The following RBFOX2 variants were observed in gnomAD, a reference collection of about 807,000 sequenced individuals.
RBFOX2 encodes RNA binding protein fox-1 homolog 2.
Under a neutral mutation model 49.1 loss-of-function variants are expected in RBFOX2, and 10 were observed. The ratio of observed to expected loss-of-function variants is 0.20; its 90% confidence interval spans 0.13 to 0.35. The LOEUF (loss-of-function observed/expected upper bound fraction) is 0.35, where lower values mean the gene tolerates loss of function less well. Ranked by LOEUF, RBFOX2 falls within the 10% of genes least tolerant of loss-of-function variation. The pLI is 1.00. For missense variants in RBFOX2, 323 were observed against 486.9 expected, an observed-to-expected ratio of 0.66 and a Z score of 3.17; for synonymous variants, 183 against 187.4, an observed-to-expected ratio of 0.98 and a Z score of 0.19.
Position 35,870,884 on chromosome 22 carries a change from A to G in RBFOX2, c.-33-60880T>C, listed in dbSNP as rs186320659. ...CATGACATGAAATTTAAAGAAAACAATTCACTGGGGCTCTCAATGTATTCT... is the reference window on the plus strand; with the variant it reads ...CATGACATGAAATTTAAAGAAAACAGTTCACTGGGGCTCTCAATGTATTCT... On this transcript the variant is annotated intron_variant, in intron 1 of 13. Coordinates refer to the RBFOX2 transcript ENST00000359369. Among the ~76,000 whole-genome samples the G allele has an allele frequency of 3.3e-5, 5 of 152,314 alleles. No homozygotes were observed. The East Asian group carries it at 9.6e-4, about 29-fold the overall frequency.
At chr22:35,761,325 CAAG>C (rs1938766877) in intron 7 of RBFOX2, 31 bp from the exon 9 acceptor site, 1 of 1,613,272 alleles carries the variant, frequency 6.2e-7, no homozygotes, top group East Asian at 2.2e-5. Context: ...TTTAAAAATG[CAAG>C]AAGATTAAAA....
chr22:35,951,536 C>T (rs746214308), intron 1 of RBFOX2, among the ~76,000 whole-genome samples: 5 of 152,200 alleles, frequency 3.3e-5, no homozygotes, highest in South Asian at 2.1e-4. Context: ...TAAGCCACTG[C>T]GCCTGGAGGT....
At chr22:35,893,586 C>T (rs1393501069) in intron 1 of RBFOX2, among the ~76,000 whole-genome samples, 1 of 152,214 alleles carries the variant, frequency 6.6e-6, no homozygotes, top group African/African-American at 2.4e-5. Context: ...CTACTTAATG[C>T]ACATTAGTGT....
intron 1 of RBFOX2, among the ~76,000 whole-genome samples, chr22:35,831,003 T>C (rs890569399): frequency 1.3e-5 from 2 of 152,168 alleles, no homozygotes; most frequent in Non-Finnish European, 2.9e-5. Context: ...TGAAGCTATA[T>C]GGGAAAACCT....
chr22:35,875,888 TAAAA>T (rs1236292957), intron 1 of RBFOX2, among the ~76,000 whole-genome samples: 1 of 152,032 alleles, frequency 6.6e-6, no homozygotes, highest in African/African-American at 2.4e-5. Flanking sequence ...TGTGAAATAG[TAAAA>T]AAATAAATAA....
exon 2 of RBFOX2, chr22:35,809,974 C>T (rs140420879): frequency 1.6e-5 from 26 of 1,613,836 alleles, no homozygotes; most frequent in South Asian, 3.3e-5. Context: ...TGAACCATTG[C>T]GTCAGGAGTT....
chr22:35,849,809 C>T (rs1393774300), intron 1 of RBFOX2, among the ~76,000 whole-genome samples: 3 of 152,172 alleles, frequency 2.0e-5, no homozygotes, highest in African/African-American at 7.2e-5. Flanking sequence ...GGCCTCCACC[C>T]CAACAGGATT....
chr22:35,989,247 TAAAAGAATTA>T (rs947359820), intron 1 of RBFOX2, among the ~76,000 whole-genome samples: 3 of 152,062 alleles, frequency 2.0e-5, no homozygotes, highest in African/African-American at 7.2e-5. Flanking sequence ...ATATATAACT[TAAAAGAATTA>T]AAAAGAAAAA....
intron 1 of RBFOX2, among the ~76,000 whole-genome samples, chr22:35,973,640 G>T (rs2056996634): frequency 6.6e-6 from 1 of 152,166 alleles, no homozygotes; most frequent in Admixed American, 6.5e-5. Context: ...CAAAGTTTTT[G>T]CCAGGAAGTA....
At chr22:35,844,785 C>T (rs1408610787), upstream of RBFOX2, among the ~76,000 whole-genome samples, 1 of 151,624 alleles carries the variant, frequency 6.6e-6, no homozygotes, top group African/African-American at 2.4e-5. Context: ...GGATTACAGG[C>T]GTGAGCCACC....
At chr22:35,822,174 A>G (rs768083417) in intron 1 of RBFOX2, among the ~76,000 whole-genome samples, 1 of 152,200 alleles carries the variant, frequency 6.6e-6, no homozygotes, top group African/African-American at 2.4e-5. Flanking sequence ...AACAGAGTCT[A>G]TGACTTGTGT....
intron 1 of RBFOX2, among the ~76,000 whole-genome samples, chr22:35,969,387 C>G (rs1277838323): frequency 6.6e-6 from 1 of 152,086 alleles, no homozygotes; most frequent in Non-Finnish European, 1.5e-5. Flanking sequence ...AGCCTGGCAA[C>G]ATGGTAAAAC....
intron 2 of RBFOX2, among the ~76,000 whole-genome samples, chr22:35,792,937 T>C (rs1324849940): frequency 2.6e-5 from 4 of 152,238 alleles, no homozygotes. Flanking sequence ...ACTTTTGTTT[T>C]AATTTTCTTG....
chr22:35,786,664 A>C (rs184189144), intron 2 of RBFOX2, among the ~76,000 whole-genome samples: 2 of 152,298 alleles, frequency 1.3e-5, no homozygotes, highest in Admixed American at 1.3e-4. Flanking sequence ...GCATGTTCTT[A>C]GCCATTATAT....
intron 1 of RBFOX2, among the ~76,000 whole-genome samples, chr22:36,005,561 T>C (rs192373294): frequency 9.8e-5 from 15 of 152,330 alleles, no homozygotes; most frequent in East Asian, 7.7e-4. Context: ...AAATAATTAA[T>C]TGGCATAGGC....
At chr22:35,855,164 A>C (rs1196839856) in intron 1 of RBFOX2, among the ~76,000 whole-genome samples, 1 of 152,130 alleles carries the variant, frequency 6.6e-6, no homozygotes, top group Non-Finnish European at 1.5e-5. Context: ...TATTTCCTTA[A>C]AATTTTAAAT....
chr22:35,889,578 T>G (rs1249171806), intron 1 of RBFOX2, among the ~76,000 whole-genome samples: 1 of 152,164 alleles, frequency 6.6e-6, no homozygotes, highest in Non-Finnish European at 1.5e-5. Flanking sequence ...CTCTCTGCAC[T>G]TTTACTCTCC....
At chr22:35,990,571 A>C (rs1446184900) in intron 1 of RBFOX2, among the ~76,000 whole-genome samples, 4 of 152,196 alleles carry the variant, frequency 2.6e-5, no homozygotes, top group Admixed American at 6.6e-5. Context: ...TTCTAAATTG[A>C]CTAACCCCAA....
chr22:35,853,010 A>T (rs1243486614), intron 1 of RBFOX2, among the ~76,000 whole-genome samples: 1 of 152,102 alleles, frequency 6.6e-6, no homozygotes, highest in African/African-American at 2.4e-5. Flanking sequence ...AATGAAAAAA[A>T]TTGCCAGGCA....
Sources: allele counts gnomAD v4.1 joint callset (sites outside exome capture counted in the v4.1 genomes callset), GRCh38; gene constraint gnomAD v4.1.1; transcripts MANE v1.5; gene names NCBI Gene and HGNC (gene_info 2026-07-23, HGNC 2026-07-21).